Variants in LEUTX observed in about 807,000 individuals in gnomAD.
LEUTX encodes leucine twenty homeobox.
In LEUTX, 5 loss-of-function variants were observed where a neutral mutation model predicts 4.5. That is an observed-to-expected ratio of 1.11 (90% CI 0.58 to 2.34). The LOEUF is 2.34. Among genes scored for constraint, LEUTX ranks in the 30% most tolerant of loss-of-function variants. The pLI is 0.01. For synonymous variants in LEUTX, 89 were observed against 85.1 expected, an observed-to-expected ratio of 1.05 and a Z score of -0.25; for missense variants, 233 against 239.4, an observed-to-expected ratio of 0.97 and a Z score of 0.18.
chr19:39,778,466 C>T (rs150256524), upstream of LEUTX, among the ~76,000 whole-genome samples: 265 of 152,196 alleles, frequency 1.7e-3, 3 homozygotes, highest in African/African-American at 6.3e-3. Flanking sequence ...TGCTGCACTC[C>T]GGGTCTCACT....
intron 1 of LEUTX, among the ~76,000 whole-genome samples, chr19:39,779,734 C>T (rs994164178): frequency 1.5e-4 from 23 of 152,296 alleles, no homozygotes; most frequent in African/African-American, 5.3e-4. Flanking sequence ...ATATTACTGG[C>T]TGGGCATGGT....
intron 1 of LEUTX, among the ~76,000 whole-genome samples, chr19:39,782,102 C>T (rs562660326): frequency 3.9e-5 from 6 of 152,322 alleles, no homozygotes; most frequent in African/African-American, 1.2e-4. Context: ...TCAACATAGA[C>T]AGCAGTGCCA....
intron 2 of LEUTX, among the ~76,000 whole-genome samples, chr19:39,785,308 C>T (rs565196953): frequency 1.3e-5 from 2 of 152,198 alleles, no homozygotes; most frequent in Non-Finnish European, 2.9e-5. Context: ...CATGGAGGCA[C>T]ATGGCTGTAG....
upstream of LEUTX, chr19:39,776,682 C>T (rs1007961842): frequency 1.1e-5 from 5 of 455,524 alleles, no homozygotes; most frequent in Admixed American, 9.4e-5. Context: ...CAAGGTGAGG[C>T]GATTTTTTTC....
At chr19:39,784,764 T>A in intron 2 of LEUTX, 86 bp downstream of exon 2, 1 of 976,218 alleles carries the variant, frequency 1.0e-6, no homozygotes, top group Non-Finnish European at 1.6e-6. Context: ...AGTTCCTATT[T>A]ATTGGCAATT....
chr19:39,779,725 T>C (rs1403628505), intron 1 of LEUTX, among the ~76,000 whole-genome samples: 3 of 152,226 alleles, frequency 2.0e-5, no homozygotes, highest in African/African-American at 7.2e-5. Flanking sequence ...TTTAGAAGTA[T>C]ATTACTGGCT....
At chr19:39,782,844 A>G (rs1431272861) in intron 1 of LEUTX, among the ~76,000 whole-genome samples, 1 of 152,184 alleles carries the variant, frequency 6.6e-6, no homozygotes, top group Non-Finnish European at 1.5e-5. Flanking sequence ...TACCTTTGGA[A>G]TATACATATT....
In LEUTX at chr19:39,786,050, T is replaced by A. The variant is rs1318339105; in HGVS notation, c.512T>A (p.Leu171Ter). The change falls in exon 3 of 3, where the codon TTG becomes TAG. Residue 171 changes from leucine (L) to a stop codon, truncating the protein, a stop_gained. Transcript: ENST00000638280. LOFTEE classifies it low-confidence loss of function (END_TRUNC). ...GATGAATTTGTAAAGATCTATGACTTGCCAGGGGAAGATGACACCAGCAGC... is the reference window on the plus strand; with the variant it reads ...GATGAATTTGTAAAGATCTATGACTAGCCAGGGGAAGATGACACCAGCAGC... ...EIDEFVKIYD[L>*]PGEDDTSSLN... 6.4e-7 allele frequency: 1 copy of A among 1,551,486 alleles called. No homozygotes were observed. The highest frequency in any genetic ancestry group is 2.0e-5 in the Admixed American group (1 of 50,978).
chr19:39,785,727 G>C lies in LEUTX; in HGVS notation c.189G>C (p.Trp63Cys). 1 of 1,551,884 alleles carries C rather than the reference G, an allele frequency of 6.4e-7. No homozygotes were observed. The highest frequency in any genetic ancestry group is 2.4e-5 in the East Asian group (1 of 40,918). ...GGTTCAAGAACCAGCGTGCCAAATGGAAGAGGCAGCAGCGGCAGCAAATGC... is the reference window on the plus strand; with the variant it reads ...GGTTCAAGAACCAGCGTGCCAAATGCAAGAGGCAGCAGCGGCAGCAAATGC... ...KIWFKNQRAKWKRQQRQQMQT... is the reference protein window; with the variant it reads ...KIWFKNQRAKCKRQQRQQMQT... Residue 63 changes from tryptophan to cysteine, a missense_variant, in exon 3 of 3, where the codon TGG becomes TGC. Trp to Cys is a radical substitution (Grantham distance 215). Coordinates refer to ENST00000638280, the MANE Select transcript of LEUTX (RefSeq NM_001382345.1).
rs904697920 is a variant in LEUTX at position 39,784,530 on chromosome 19, G to A, written c.11G>A (p.Gly4Glu). 6 of 994,658 alleles carry A rather than the reference G, an allele frequency of 6.0e-6. No homozygotes were observed. The highest frequency in any genetic ancestry group is 2.0e-4 in the Middle Eastern group (1 of 4,950). 61.6% of individuals were successfully genotyped at this position (994,658 alleles called of 1,614,324 possible). A position where few individuals can be genotyped will look rare whatever the true frequency, so the allele number is the denominator to read the frequency against. MFE[G>E]PRRYRRPRTR... Reference sequence around the variant, plus strand: ...CTTTTATCTGTTCCCTCTGCAGAAGGGCCAAGGCGTTATCGTCGGCCACGC... The same window carrying A: ...CTTTTATCTGTTCCCTCTGCAGAAGAGCCAAGGCGTTATCGTCGGCCACGC... Residue 4 changes from glycine to glutamate, a missense_variant, in exon 2 of 3, where the codon GGG becomes GAG. By Grantham distance (98) the Gly-to-Glu change is moderately conservative. Transcript: ENST00000638280.
rs1236338316 is a variant in LEUTX, at chr19:39,785,985, G to A, written c.447G>A (p.Gly149=). 1.3e-6 allele frequency: 2 copies of A among 1,551,566 alleles called. No homozygotes were observed. Among genetic ancestry groups the A allele is most frequent in the East Asian group, 2.4e-5 (1 of 40,938 alleles). ...ATGACATTGAACAGATATGTCTGGG[G>A]GCTTCAAATCCTCCTTGGGCCTCCA... ...QSYDIEQICL[G]ASNPPWASTL... The change falls in exon 3 of 3, where the codon GGG becomes GGA. Residue 149 remains glycine, a synonymous_variant. Coordinates refer to ENST00000638280, the MANE Select transcript of LEUTX (RefSeq NM_001382345.1).
chr19:39,785,022 G>C (rs1967944153), intron 2 of LEUTX, among the ~76,000 whole-genome samples: 1 of 152,090 alleles, frequency 6.6e-6, no homozygotes, highest in Non-Finnish European at 1.5e-5. Flanking sequence ...TGCTTAATCA[G>C]GACCATCACA....
At chr19:39,780,908 T>G (rs1281329748) in intron 1 of LEUTX, among the ~76,000 whole-genome samples, 1 of 152,138 alleles carries the variant, frequency 6.6e-6, no homozygotes, top group African/African-American at 2.4e-5. Context: ...TTCACCATGT[T>G]GGCCAGGCTG....
In LEUTX at chr19:39,784,644, C is replaced by A. The variant is rs1246816729; in HGVS notation, c.125C>A (p.Ala42Asp). ...HPSLATMGKL[A>D]SKLQLDLSVV... ...AGTTTGGCTACAATGGGGAAACTGGCTTCAAAGCTACAACTTGATCTATCC... is the reference window on the plus strand; with the variant it reads ...AGTTTGGCTACAATGGGGAAACTGGATTCAAAGCTACAACTTGATCTATCC... Residue 42 changes from alanine to aspartate, a missense_variant, in exon 2 of 3, where the codon GCT becomes GAT. Physicochemically the swap from Ala to Asp is moderately radical, Grantham distance 126. Transcript: ENST00000638280. The A allele has an allele frequency of 2.6e-6, 4 of 1,551,514 alleles. No individual in the cohort carries two copies. Among genetic ancestry groups the A allele is most frequent in the Non-Finnish European group, 3.5e-6 (4 of 1,146,944 alleles).
rs770903563 is a variant in LEUTX at position 39,786,086 on chromosome 19, A to G, written c.548A>G (p.Tyr183Cys). The G allele has an allele frequency of 1.9e-6, 3 of 1,548,942 alleles. No homozygotes were observed. Among genetic ancestry groups the G allele is most frequent in the South Asian group, 1.2e-5 (1 of 83,554 alleles). ...GATGACACCAGCAGCCTAAATCAAT[A>G]TCTTTTTCCAGTATGCCTTGAGTAT... ...GEDDTSSLNQ[Y>C]LFPVCLEYDQ... Residue 183 changes from tyrosine to cysteine, a missense_variant, in exon 3 of 3, where the codon TAT (tyrosine) becomes TGT (cysteine). Coordinates refer to ENST00000638280, the MANE Select transcript of LEUTX (RefSeq NM_001382345.1).
At chr19:39,785,310 T>C (rs1413298530) in intron 2 of LEUTX, among the ~76,000 whole-genome samples, 1 of 152,188 alleles carries the variant, frequency 6.6e-6, no homozygotes, top group East Asian at 1.9e-4. Context: ...TGGAGGCACA[T>C]GGCTGTAGTC....
chr19:39,781,886 TCCC>T (rs1967892033), intron 1 of LEUTX, among the ~76,000 whole-genome samples: 1 of 152,190 alleles, frequency 6.6e-6, no homozygotes. Context: ...ACTCACATCT[TCCC>T]TAAAGGAGTG....
Position 39,786,124 on chromosome 19 carries a change from T to C in LEUTX, c.586T>C (p.Ser196Pro). 6.6e-7 allele frequency: 1 copy of C among 1,526,126 alleles called. No homozygotes were observed. The highest frequency in any genetic ancestry group is 2.5e-5 in the East Asian group (1 of 40,796). 94.5% of individuals were successfully genotyped at this position (1,526,126 alleles called of 1,614,324 possible). ...PVCLEYDQLQSSV is the reference protein window; with the variant it reads ...PVCLEYDQLQPSV ...ATGCCTTGAGTATGACCAGCTCCAATCTTCAGTGTAACTTCTTACACATCA... is the reference window on the plus strand; with the variant it reads ...ATGCCTTGAGTATGACCAGCTCCAACCTTCAGTGTAACTTCTTACACATCA... The change falls in exon 3 of 3, where the codon TCT becomes CCT. Residue 196 changes from serine (S) to proline (P), a missense_variant. Ser to Pro is a moderately conservative substitution (Grantham distance 74). Coordinates refer to ENST00000638280, the MANE Select transcript of LEUTX (RefSeq NM_001382345.1).
At chr19:39,783,822 G>A (rs1967923929) in intron 1 of LEUTX, among the ~76,000 whole-genome samples, 1 of 151,956 alleles carries the variant, frequency 6.6e-6, no homozygotes, top group Non-Finnish European at 1.5e-5. Flanking sequence ...CCCACTTTTT[G>A]ATGGAATTGT....
Sources: gnomAD v4.1 joint callset for allele counts (sites outside exome capture counted in the v4.1 genomes callset) on GRCh38, gnomAD v4.1.1 for gene constraint, MANE v1.5 for transcripts, NCBI Gene and HGNC (gene_info 2026-07-23, HGNC 2026-07-21) for gene names.